Variants in ARAP2 observed in about 807,000 individuals in gnomAD.
The protein encoded by ARAP2 is ArfGAP with RhoGAP domain, ankyrin repeat and PH domain 2, also known as arf-GAP with Rho-GAP domain, ANK repeat and PH domain-containing protein 2.
A neutral mutation model predicts 194.5 loss-of-function variants in ARAP2; 148 were observed. That is an observed-to-expected ratio of 0.76 (90% confidence interval 0.67 to 0.87). ARAP2 has a LOEUF of 0.87. ARAP2 is among the 40% of genes least tolerant of loss of function. ARAP2 has a pLI of 0.00. For synonymous variants in ARAP2, 695 were observed against 683.5 expected (o/e 1.02, Z -0.26); for missense variants, 2,128 against 1,989.7 (o/e 1.07, Z -1.32).
intron 27 of ARAP2, among the ~76,000 whole-genome samples, chr4:36,093,681 T>C (rs968721867): frequency 6.6e-6 from 1 of 152,116 alleles, no homozygotes; most frequent in African/African-American, 2.4e-5. Flanking sequence ...GTTACAACGG[T>C]GTGTAACGCT....
At chr4:36,102,966 T>A (rs993688782) in intron 27 of ARAP2, among the ~76,000 whole-genome samples, 1 of 151,720 alleles carries the variant, frequency 6.6e-6, no homozygotes, top group Non-Finnish European at 1.5e-5. Flanking sequence ...GTGGCCTAGG[T>A]CTTACTTTTA....
At position 36,018,447 on chromosome 4, in the gene ARAP2, C is replaced by CAA. The variant is rs34023851; in HGVS notation, n.750+695_750+696dup. ...ATGAGAGACAACTCACTCAATATCTCAAAAAAAAAAAAAAAAACTCAGCTG... is the reference window on the plus strand; with the variant it reads ...ATGAGAGACAACTCACTCAATATCTCAAAAAAAAAAAAAAAAAAACTCAGCTG... On this transcript the variant is annotated intron_variant and non_coding_transcript_variant, in intron 6 of 12. Coordinates refer to the ARAP2 transcript ENST00000503225. Among the ~76,000 whole-genome samples the CAA allele has an allele frequency of 1.4e-3, 190 of 136,192 alleles. 1 individual carries two copies. Among genetic ancestry groups the CAA allele is most frequent in the African/African-American group, 4.4e-3 (164 of 37,496 alleles). The allele number at this position is 136,192 out of a possible 152,430, so 89.3% of individuals were successfully genotyped here. A position where few individuals can be genotyped will look rare whatever the true frequency, so the allele number is the denominator to read the frequency against.
chr4:36,080,116 A>T (rs958259539), intron 31 of ARAP2, 100 bp downstream of exon 31: 11 of 942,814 alleles, frequency 1.2e-5, no homozygotes, highest in African/African-American at 1.7e-5. Context: ...ACATACATTT[A>T]AAATGCTTAT....
downstream of ARAP2, among the ~76,000 whole-genome samples, chr4:36,063,745 G>A (rs893372986): frequency 2.0e-5 from 3 of 152,134 alleles, no homozygotes; most frequent in Non-Finnish European, 4.4e-5. Context: ...TAACTTACTG[G>A]CTGTTGTGAG....
chr4:36,096,377 A>G (rs1715296447), intron 27 of ARAP2, among the ~76,000 whole-genome samples: 1 of 151,616 alleles, frequency 6.6e-6, no homozygotes, highest in Admixed American at 6.6e-5. Flanking sequence ...AAAAAAAAAA[A>G]AAAGAAAAAG....
intron 31 of ARAP2, 30 bp downstream of exon 31, chr4:36,080,186 T>G: frequency 6.4e-7 from 1 of 1,573,010 alleles, no homozygotes; most frequent in Non-Finnish European, 8.7e-7. Context: ...GTTATTATAC[T>G]CTACTGGATA....
intron 7 of ARAP2, among the ~76,000 whole-genome samples, chr4:36,190,410 T>C (rs1420427993): frequency 3.9e-5 from 6 of 152,238 alleles, no homozygotes; most frequent in African/African-American, 1.2e-4. Flanking sequence ...CCACCTTTCA[T>C]GTAGTTAATA....
intron 5 of ARAP2, among the ~76,000 whole-genome samples, chr4:36,032,194 C>G (rs992333045): frequency 6.6e-5 from 10 of 152,090 alleles, no homozygotes; most frequent in African/African-American, 2.4e-4. Context: ...GGGATAGTTA[C>G]TAAATTGGCC....
chr4:36,119,180 T>C (rs761002780), intron 24 of ARAP2, among the ~76,000 whole-genome samples: 3 of 151,430 alleles, frequency 2.0e-5, no homozygotes, highest in Non-Finnish European at 4.4e-5. Flanking sequence ...AGGACAAAAA[T>C]TAGAATGTGT....
downstream of ARAP2, among the ~76,000 whole-genome samples, chr4:36,061,054 C>T (rs550670502): frequency 1.8e-4 from 27 of 151,968 alleles, no homozygotes; most frequent in Middle Eastern, 3.4e-3. Context: ...TTGCTAGAAG[C>T]AGTTTTTTAA....
At position 36,148,466 on chromosome 4, in the gene ARAP2, A is replaced by G. The variant is rs776962493; in HGVS notation, c.2939T>C (p.Val980Ala). Residue 980 changes from valine (V) to alanine (A), a missense_variant, in exon 17 of 33, where the codon GTG becomes GCG. Coordinates refer to ENST00000303965, the MANE Select transcript of ARAP2 (RefSeq NM_015230.4). ...IFEIYLPSER[V>A]FLFGAETSQA... ...AGATGTTTCAGCTCCAAATAAAAACACACGTTCGGAGGGTAAGTAGATCTC... is the reference window on the plus strand; with the variant it reads ...AGATGTTTCAGCTCCAAATAAAAACGCACGTTCGGAGGGTAAGTAGATCTC... The G allele has an allele frequency of 1.9e-6, 3 of 1,613,346 alleles. No individual in the cohort carries two copies. The Admixed American group carries it at 5.0e-5, about 27-fold the overall frequency.
At chr4:36,182,355 G>A (rs1739485642) in intron 8 of ARAP2, among the ~76,000 whole-genome samples, 1 of 152,122 alleles carries the variant, frequency 6.6e-6, no homozygotes, top group Non-Finnish European at 1.5e-5. Flanking sequence ...AGCCGTGCAT[G>A]TTGGCACACG....
chr4:36,206,052 C>T (rs1745467158), intron 6 of ARAP2, among the ~76,000 whole-genome samples: 1 of 152,216 alleles, frequency 6.6e-6, no homozygotes, highest in African/African-American at 2.4e-5. Context: ...GACTTGCCAA[C>T]TTTCTGCAAC....
intron 9 of ARAP2, among the ~76,000 whole-genome samples, chr4:36,173,182 C>A (rs1473736604): frequency 1.3e-5 from 2 of 152,030 alleles, no homozygotes; most frequent in Admixed American, 1.3e-4. Context: ...AAAAAAGTAT[C>A]AAGAGAAGAA....
At chr4:36,127,130 C>T (rs946959673) in intron 21 of ARAP2, among the ~76,000 whole-genome samples, 1 of 151,022 alleles carries the variant, frequency 6.6e-6, no homozygotes, top group Admixed American at 6.6e-5. Context: ...GCCACTGTGC[C>T]CAGTCTTGCC....
chr4:36,091,452 T>C (rs1713629316), intron 28 of ARAP2, among the ~76,000 whole-genome samples: 4 of 152,176 alleles, frequency 2.6e-5, no homozygotes, highest in Admixed American at 2.6e-4. Flanking sequence ...TAAAAATAAG[T>C]CAATTCATTC....
Position 36,235,490 on chromosome 4 carries a change from G to T in ARAP2, c.-159-5845C>A, listed in dbSNP as rs199625895. Among the ~76,000 whole-genome samples, 5 of 152,096 alleles carry T rather than the reference G, an allele frequency of 3.3e-5. No individual in the cohort carries two copies. The East Asian group carries it at 9.6e-4, about 29-fold the overall frequency. The stretch of plus-strand genomic sequence containing the variant: ...GCTCAAATGCGCCCTCTTCAGATAG[G>T]TGATCCCTCCCTAATCTATGCTATA... On this transcript the variant is annotated intron_variant, in intron 1 of 32. Coordinates refer to ENST00000303965, the MANE Select transcript of ARAP2 (RefSeq NM_015230.4).
intron 6 of ARAP2, among the ~76,000 whole-genome samples, chr4:36,203,570 C>A (rs1165615116): frequency 6.6e-6 from 1 of 151,874 alleles, no homozygotes. Context: ...GGTGACAGAG[C>A]AACACTGTGT....
intron 3 of ARAP2, among the ~76,000 whole-genome samples, chr4:36,050,696 C>T (rs890082742): frequency 9.9e-5 from 15 of 152,256 alleles, no homozygotes; most frequent in East Asian, 9.6e-4. Flanking sequence ...AAGTGGAATA[C>T]CATAAAATGG....
Sources: gnomAD v4.1 joint callset for allele counts (sites outside exome capture counted in the v4.1 genomes callset) on GRCh38, gnomAD v4.1.1 for gene constraint, MANE v1.5 for transcripts, NCBI Gene and HGNC (gene_info 2026-07-23, HGNC 2026-07-21) for gene names.